Variants in AGBL1 observed in about 807,000 individuals in gnomAD.
The protein encoded by AGBL1 is AGBL carboxypeptidase 1, also known as cytosolic carboxypeptidase 4.
AGBL1 carries 130 observed loss-of-function variants against 118.9 expected under a neutral mutation model. That is an observed-to-expected ratio of 1.09 (90% CI 0.95 to 1.26). The LOEUF (loss-of-function observed/expected upper bound fraction) is 1.26, where lower values mean the gene tolerates loss of function less well. Among genes scored for constraint, AGBL1 ranks in the 50% most tolerant of loss-of-function variants. The pLI is 0.00. For synonymous variants in AGBL1, 555 were observed against 478.9 expected, an observed-to-expected ratio of 1.16 and a Z score of -2.08; for missense variants, 1,584 against 1,298.1, an observed-to-expected ratio of 1.22 and a Z score of -3.38.
chr15:86,346,707 A>C (rs2080543563), intron 17 of AGBL1, among the ~76,000 whole-genome samples: 1 of 152,198 alleles, frequency 6.6e-6, no homozygotes, highest in African/African-American at 2.4e-5. Context: ...GAATAGCAGC[A>C]CTGCTGACCT....
intron 22 of AGBL1, among the ~76,000 whole-genome samples, chr15:86,730,264 A>T (rs1275945653): frequency 1.3e-5 from 2 of 152,306 alleles, no homozygotes; most frequent in Non-Finnish European, 1.5e-5. Flanking sequence ...GACAAGTGGG[A>T]CCTAATTAAA....
chr15:86,092,656 C>T (rs993076552), intron 1 of AGBL1, among the ~76,000 whole-genome samples: 20 of 152,062 alleles, frequency 1.3e-4, no homozygotes, highest in Non-Finnish European at 1.9e-4. Context: ...TTAAAATGAA[C>T]GGAAATTTAT....
chr15:86,838,421 C>T (rs1457473720), intron 22 of AGBL1, among the ~76,000 whole-genome samples: 2 of 152,054 alleles, frequency 1.3e-5, no homozygotes, highest in Non-Finnish European at 2.9e-5. Flanking sequence ...CATTAGATTA[C>T]ATTTTTTCAA....
intron 18 of AGBL1, among the ~76,000 whole-genome samples, chr15:86,474,825 C>A (rs1011628482): frequency 3.3e-5 from 5 of 152,214 alleles, no homozygotes; most frequent in South Asian, 2.1e-4. Flanking sequence ...AGGCACCCCC[C>A]AGTAGGGGCA....
At chr15:86,784,200 T>C (rs2078374292) in intron 22 of AGBL1, among the ~76,000 whole-genome samples, 1 of 152,102 alleles carries the variant, frequency 6.6e-6, no homozygotes, top group South Asian at 2.1e-4. Flanking sequence ...CATCATAAGC[T>C]CTTAGTGCCA....
chr15:86,193,821 T>C (rs944190535), intron 5 of AGBL1, among the ~76,000 whole-genome samples: 13 of 152,348 alleles, frequency 8.5e-5, no homozygotes, highest in African/African-American at 3.1e-4. Flanking sequence ...CTACGTTTAT[T>C]CTAACCAACC....
At chr15:86,685,562 C>T (rs552648430) in intron 22 of AGBL1, among the ~76,000 whole-genome samples, 49 of 151,868 alleles carry the variant, frequency 3.2e-4, no homozygotes, top group African/African-American at 8.9e-4. Context: ...AAGGAAGAGA[C>T]GATAATGATA....
In AGBL1 at chr15:86,332,813, G is replaced by A. The variant is rs146741977; in HGVS notation, c.2374+37405G>A. Among the ~76,000 whole-genome samples, 91 of 152,174 alleles carry A rather than the reference G, an allele frequency of 6.0e-4. No individual in the cohort carries two copies. In the East Asian group the frequency reaches 0.016, roughly 27 times the overall value. Reference sequence around the variant, plus strand: ...GACCACATGCTCAGCCATAAAGCAAGTCTCAATAAATTAAAAACACTAGAA... The same window carrying A: ...GACCACATGCTCAGCCATAAAGCAAATCTCAATAAATTAAAAACACTAGAA... On this transcript the variant is annotated intron_variant, in intron 17 of 22. Coordinates refer to ENST00000614907, the MANE Select transcript of AGBL1 (RefSeq NM_001386094.1).
In AGBL1 at chr15:86,699,234, C is replaced by A. The variant is rs563312144; in HGVS notation, c.3158+24798C>A. Among the ~76,000 whole-genome samples the A allele has an allele frequency of 7.2e-5, 11 of 151,778 alleles. No individual in the cohort carries two copies. In the East Asian group the frequency reaches 2.1e-3, roughly 30 times the overall value. On this transcript the variant is annotated intron_variant, in intron 22 of 22. Transcript: ENST00000614907. Reference sequence around the variant, plus strand: ...TTTATTATACACAGACTATATATACCCAGTCATTTTTTTCCAAATCATTTA... The same window carrying A: ...TTTATTATACACAGACTATATATACACAGTCATTTTTTTCCAAATCATTTA...
chr15:86,947,087 A>T (rs933844653), intron 23 of AGBL1, among the ~76,000 whole-genome samples: 3 of 152,168 alleles, frequency 2.0e-5, no homozygotes, highest in Non-Finnish European at 4.4e-5. Flanking sequence ...AAACACGAAG[A>T]TCATCTCTGC....
chr15:86,090,336 A>C (rs1172956415), intron 1 of AGBL1, among the ~76,000 whole-genome samples: 1 of 152,212 alleles, frequency 6.6e-6, no homozygotes, highest in Non-Finnish European at 1.5e-5. Flanking sequence ...ATTAATATGT[A>C]GATGTAAATT....
At chr15:86,470,692 G>C (rs1029132189) in intron 18 of AGBL1, among the ~76,000 whole-genome samples, 3 of 151,968 alleles carry the variant, frequency 2.0e-5, no homozygotes, top group Non-Finnish European at 2.9e-5. Flanking sequence ...CCATTTATTT[G>C]TGTCGTCTTA....
intron 5 of AGBL1, among the ~76,000 whole-genome samples, chr15:86,192,943 A>G (rs2077746080): frequency 6.6e-6 from 1 of 152,212 alleles, no homozygotes; most frequent in Non-Finnish European, 1.5e-5. Flanking sequence ...ATTTCTATTG[A>G]AAGCACACAT....
At chr15:86,474,096 G>C (rs1449420254) in intron 18 of AGBL1, among the ~76,000 whole-genome samples, 1 of 152,152 alleles carries the variant, frequency 6.6e-6, no homozygotes. Flanking sequence ...TAGATTGGGA[G>C]GTTCCAAGAT....
At chr15:86,935,460 A>G (rs552566370) in intron 23 of AGBL1, among the ~76,000 whole-genome samples, 3 of 152,356 alleles carry the variant, frequency 2.0e-5, no homozygotes, top group Admixed American at 1.3e-4. Context: ...AAGCCAGCTA[A>G]TGAGTGACAT....
At chr15:86,507,901 T>A (rs1009389421) in intron 18 of AGBL1, among the ~76,000 whole-genome samples, 4 of 152,072 alleles carry the variant, frequency 2.6e-5, no homozygotes, top group African/African-American at 4.8e-5. Flanking sequence ...CTATAAGGTA[T>A]TTGACCTGAG....
chr15:86,753,962 G>A (rs535643166), intron 22 of AGBL1, among the ~76,000 whole-genome samples: 1 of 152,164 alleles, frequency 6.6e-6, no homozygotes, highest in African/African-American at 2.4e-5. Flanking sequence ...TATGTCCTAA[G>A]CATGTTGAGA....
intron 16 of AGBL1, among the ~76,000 whole-genome samples, chr15:86,291,388 A>G (rs2079543034): frequency 6.7e-6 from 1 of 148,850 alleles, no homozygotes; most frequent in South Asian, 2.2e-4. Context: ...ACACATACAC[A>G]CACACACCAC....
At chr15:86,902,943 A>G (rs2080231330) in intron 22 of AGBL1, among the ~76,000 whole-genome samples, 1 of 152,058 alleles carries the variant, frequency 6.6e-6, no homozygotes, top group African/African-American at 2.4e-5. Context: ...CTGTAGGTTT[A>G]TGTCCTTTGC....
Sources: allele counts gnomAD v4.1 joint callset (sites outside exome capture counted in the v4.1 genomes callset), GRCh38; gene constraint gnomAD v4.1.1; transcripts MANE v1.5; gene names NCBI Gene and HGNC (gene_info 2026-07-23, HGNC 2026-07-21).